The following C16orf74 variants were observed in gnomAD, a reference collection of about 807,000 sequenced individuals.
C16orf74 encodes calcimembrin.
Under a neutral mutation model 6.5 loss-of-function variants are expected in C16orf74, and 10 were observed. That is an observed-to-expected ratio of 1.54 (90% CI 0.95 to 2.61). C16orf74 has a LOEUF of 2.61. C16orf74 is among the 30% of genes most tolerant of loss of function. The pLI, the probability that C16orf74 is intolerant of heterozygous loss-of-function variation, is 0.00. For synonymous variants in C16orf74, 60 were observed against 42.5 expected (o/e 1.41, Z -1.60); for missense variants, 141 against 105.9 (o/e 1.33, Z -1.45).
At chr16:85,739,918 G>C (rs1253633491) in intron 1 of C16orf74, among the ~76,000 whole-genome samples, 1 of 152,110 alleles carries the variant, frequency 6.6e-6, no homozygotes, top group Non-Finnish European at 1.5e-5. Flanking sequence ...GTAAGAAATG[G>C]TCCTTGCTCG....
chr16:85,727,110 C>T (rs1019428527), intron 2 of C16orf74, among the ~76,000 whole-genome samples: 10 of 152,240 alleles, frequency 6.6e-5, no homozygotes, highest in African/African-American at 1.7e-4. Flanking sequence ...CCTGGGCCAG[C>T]GCCCAGTGCA....
At chr16:85,733,074 G>A (rs2054207165) in intron 2 of C16orf74, among the ~76,000 whole-genome samples, 1 of 152,198 alleles carries the variant, frequency 6.6e-6, no homozygotes, top group Non-Finnish European at 1.5e-5. Context: ...AAGAAAAGTG[G>A]TCCCAGAGAT....
chr16:85,750,248 T>C (rs1334588072), intron 1 of C16orf74, among the ~76,000 whole-genome samples: 2 of 152,186 alleles, frequency 1.3e-5, no homozygotes, highest in African/African-American at 4.8e-5. Flanking sequence ...CTTGATTCCA[T>C]CTGGGCCCCG....
chr16:85,731,831 G>T lies in C16orf74; in HGVS notation c.28+3359C>A, dbSNP rs557477688. Among the ~76,000 whole-genome samples the T allele has an allele frequency of 2.6e-5, 4 of 152,256 alleles. No homozygotes were observed. The East Asian group carries it at 5.8e-4, about 22-fold the overall frequency. ...GCCTCCCAAGTGGCTGGGACTGCAGGCATGAAATGCCACCATTCCCTGATA... is the reference window on the plus strand; with the variant it reads ...GCCTCCCAAGTGGCTGGGACTGCAGTCATGAAATGCCACCATTCCCTGATA... On this transcript the variant is annotated intron_variant, in intron 2 of 3. Coordinates refer to ENST00000284245, the MANE Select transcript of C16orf74 (RefSeq NM_206967.3).
At chr16:85,714,950 A>C (rs1341546347) in intron 2 of C16orf74, among the ~76,000 whole-genome samples, 3 of 150,232 alleles carry the variant, frequency 2.0e-5, no homozygotes, top group Non-Finnish European at 4.4e-5. Context: ...AGGTCAGGAG[A>C]TCGAGACCAT....
chr16:85,722,499 G>A lies in C16orf74; in HGVS notation c.29-12192C>T, dbSNP rs192127711. ...CCAGGTAGGAGCAACATTCAGGAGC[G>A]GAAGCGGCACCAAGCACTGTCACTC... On this transcript the variant is annotated intron_variant, in intron 2 of 3. Coordinates refer to ENST00000284245, the MANE Select transcript of C16orf74 (RefSeq NM_206967.3). Among the ~76,000 whole-genome samples, 38 of 152,330 alleles carry A rather than the reference G, an allele frequency of 2.5e-4. No individual in the cohort carries two copies. The East Asian group carries it at 6.4e-3, about 26-fold the overall frequency.
At chr16:85,717,279 G>C (rs565498774) in intron 2 of C16orf74, among the ~76,000 whole-genome samples, 1 of 152,190 alleles carries the variant, frequency 6.6e-6, no homozygotes, top group African/African-American at 2.4e-5. Context: ...TTCCCATCGC[G>C]GCTGCCCATT....
chr16:85,746,585 C>T (rs2054375593), intron 1 of C16orf74, among the ~76,000 whole-genome samples: 1 of 152,096 alleles, frequency 6.6e-6, no homozygotes. Flanking sequence ...GGCACCTTGC[C>T]CTGCTTGCCT....
intron 1 of C16orf74, among the ~76,000 whole-genome samples, chr16:85,744,644 C>G (rs1045385647): frequency 6.6e-6 from 1 of 151,728 alleles, no homozygotes; most frequent in Non-Finnish European, 1.5e-5. Context: ...TCCTGGCTAA[C>G]ACGGTGAAAC....
At chr16:85,738,830 A>G (rs1399628228) in intron 1 of C16orf74, among the ~76,000 whole-genome samples, 1 of 152,202 alleles carries the variant, frequency 6.6e-6, no homozygotes, top group East Asian at 1.9e-4. Flanking sequence ...ATGTGTATTC[A>G]TGGTTAGTGA....
chr16:85,729,642 G>C (rs1487071851), intron 2 of C16orf74, among the ~76,000 whole-genome samples: 1 of 152,208 alleles, frequency 6.6e-6, no homozygotes, highest in Admixed American at 6.5e-5. Flanking sequence ...AATTAGTTAA[G>C]GATCTCATGA....
intron 2 of C16orf74, among the ~76,000 whole-genome samples, chr16:85,713,635 G>T (rs2053991220): frequency 6.6e-6 from 1 of 152,200 alleles, no homozygotes. Flanking sequence ...CTACTAAAAT[G>T]ACCTCATCTT....
At position 85,748,763 on chromosome 16, in the gene C16orf74, A is replaced by C. The variant is rs1359978593; in HGVS notation, c.-19+2163T>G. ...CCTATTAGTCTGAAGGTCTGCACTG[A>C]TGTTAATGCTGGTCTGCGGGGTCTC... On this transcript the variant is annotated intron_variant, in intron 1 of 3. Transcript: ENST00000284245. Among the ~76,000 whole-genome samples, 3 of 152,108 alleles carry C rather than the reference A, an allele frequency of 2.0e-5. No homozygotes were observed. In the East Asian group the frequency reaches 5.8e-4, roughly 29 times the overall value.
Position 85,707,608 on chromosome 16 carries a change from A to C in C16orf74, c.*400T>G, listed in dbSNP as rs2152056767. The C allele has an allele frequency of 5.1e-6, 1 of 195,444 alleles. No homozygotes were observed. Among genetic ancestry groups the C allele is most frequent in the South Asian group, 1.9e-4 (1 of 5,344 alleles). 12.1% of individuals were successfully genotyped at this position (195,444 alleles called of 1,614,324 possible). ...CGTATCTGTAAAACAACTTATAAAAAACAGCCACTCCACCTGCAAGAAGTT... is the reference window on the plus strand; with the variant it reads ...CGTATCTGTAAAACAACTTATAAAACACAGCCACTCCACCTGCAAGAAGTT... On this transcript the variant is annotated 3_prime_UTR_variant, in exon 4 of 4. Coordinates refer to ENST00000284245, the MANE Select transcript of C16orf74 (RefSeq NM_206967.3).
chr16:85,746,157 C>G (rs1321804884), intron 1 of C16orf74, among the ~76,000 whole-genome samples: 5 of 152,084 alleles, frequency 3.3e-5, no homozygotes, highest in Non-Finnish European at 1.5e-5. Flanking sequence ...CAAGACCAGC[C>G]TGGCCAACAT....
At chr16:85,729,884 G>A (rs748227689) in intron 2 of C16orf74, among the ~76,000 whole-genome samples, 1 of 152,170 alleles carries the variant, frequency 6.6e-6, no homozygotes, top group Admixed American at 6.5e-5. Flanking sequence ...GCCGATTTCA[G>A]AACAATGAGA....
chr16:85,748,419 G>A (rs1007216324), intron 1 of C16orf74, among the ~76,000 whole-genome samples: 5 of 151,940 alleles, frequency 3.3e-5, no homozygotes, highest in East Asian at 3.9e-4. Context: ...CCAACAGGGC[G>A]AAACCCCATC....
At chr16:85,727,395 G>A (rs1486156056) in intron 2 of C16orf74, among the ~76,000 whole-genome samples, 3 of 152,222 alleles carry the variant, frequency 2.0e-5, no homozygotes, top group Non-Finnish European at 4.4e-5. Flanking sequence ...CAAAAACGAG[G>A]AGTGTCTGAG....
intron 2 of C16orf74, among the ~76,000 whole-genome samples, chr16:85,719,402 G>A (rs2054056826): frequency 6.6e-6 from 1 of 152,140 alleles, no homozygotes; most frequent in Non-Finnish European, 1.5e-5. Context: ...ATCACTGGGA[G>A]GGGCCCACGA....
Sources: gnomAD v4.1 joint callset for allele counts (sites outside exome capture counted in the v4.1 genomes callset) on GRCh38, gnomAD v4.1.1 for gene constraint, MANE v1.5 for transcripts, NCBI Gene and HGNC (gene_info 2026-07-23, HGNC 2026-07-21) for gene names.